The following SRSF3 variants were observed in gnomAD, a reference collection of about 807,000 sequenced individuals.
The protein encoded by SRSF3 is serine and arginine rich splicing factor 3.
For synonymous variants in SRSF3, 87 were observed against 73.6 expected (o/e 1.18, Z -0.93); for missense variants, 58 against 217.1 (o/e 0.27, Z 4.61).
At position 36,603,114 on chromosome 6, in the gene SRSF3, C is replaced by G. The variant is rs922044419; in HGVS notation, c.*1125C>G. ...TTAGGCATAGAAGCCAGTTCAGGGTCCATAATATTTAGTGACCAACATTTT... is the reference window on the plus strand; with the variant it reads ...TTAGGCATAGAAGCCAGTTCAGGGTGCATAATATTTAGTGACCAACATTTT... On this transcript the variant is annotated 3_prime_UTR_variant, in exon 6 of 6. Transcript: ENST00000373715. 4.7e-4 allele frequency: 105 copies of G among 222,978 alleles called. 1 individual carries two copies. Among genetic ancestry groups the G allele is most frequent in the Non-Finnish European group, 6.3e-4 (70 of 111,634 alleles). 13.8% of individuals were successfully genotyped at this position (222,978 alleles called of 1,614,324 possible). A position where few individuals can be genotyped will look rare whatever the true frequency, so the allele number is the denominator to read the frequency against.
In SRSF3 at chr6:36,602,521, T is replaced by G. The variant is rs1371051070; in HGVS notation, c.*532T>G. The G allele has an allele frequency of 4.5e-6, 1 of 220,036 alleles. No individual in the cohort carries two copies. Among genetic ancestry groups the G allele is most frequent in the African/African-American group, 2.2e-5 (1 of 44,640 alleles). 13.6% of individuals were successfully genotyped at this position (220,036 alleles called of 1,614,324 possible). ...TCATCCTGGGCAGAGGTTGCCTAGT[T>G]GGTATAGAATGTTAAGTTTCAAGAA... On this transcript the variant is annotated 3_prime_UTR_variant, in exon 6 of 6. Transcript: ENST00000373715.
At chr6:36,601,623 CA>C in intron 4 of SRSF3, 84 bp from the exon 5 acceptor site, 1 of 1,271,612 alleles carries the variant, frequency 7.9e-7, no homozygotes, top group African/African-American at 1.5e-5. Flanking sequence ...GAATTATTGG[CA>C]TGAGTCACCA....
chr6:36,600,180 A>G, intron 3 of SRSF3: 1 of 1,069,948 alleles, frequency 9.3e-7, no homozygotes, highest in Non-Finnish European at 1.1e-6. Flanking sequence ...AACTAAATCC[A>G]ACGCAACATC....
Position 36,603,127 on chromosome 6 carries a change from T to G in SRSF3, c.*1138T>G. 4.5e-6 allele frequency: 1 copy of G among 223,906 alleles called. No homozygotes were observed. The highest frequency in any genetic ancestry group is 8.9e-6 in the Non-Finnish European group (1 of 111,982). 13.9% of individuals were successfully genotyped at this position (223,906 alleles called of 1,614,324 possible). A position where few individuals can be genotyped will look rare whatever the true frequency, so the allele number is the denominator to read the frequency against. ...CCAGTTCAGGGTCCATAATATTTAG[T>G]GACCAACATTTTAAAGTATAGCAGC... On this transcript the variant is annotated 3_prime_UTR_variant, in exon 6 of 6. Transcript: ENST00000373715.
At chr6:36,598,778 G>C in intron 2 of SRSF3, 71 bp from the exon 3 acceptor site, 2 of 1,551,946 alleles carry the variant, frequency 1.3e-6, no homozygotes, top group Non-Finnish European at 1.8e-6. Context: ...AGCCAACTGA[G>C]AGTACTTTTG....
intron 3 of SRSF3, 160 bp from the exon 4 acceptor site, chr6:36,600,992 C>CTTTTTTTTTTT (rs1169887735): frequency 2.9e-5 from 10 of 340,298 alleles, no homozygotes; most frequent in South Asian, 2.1e-4. Context: ...TTTTTCTTTT[C>CTTTTTTTTTTT]TTTTTTTTCT....
chr6:36,601,932 TTTG>T lies in SRSF3; in HGVS notation c.468-27_468-25del, dbSNP rs1290270198. 12 of 1,576,586 alleles carry T rather than the reference TTTG, an allele frequency of 7.6e-6. No individual in the cohort carries two copies. In the South Asian group the frequency reaches 1.2e-4, roughly 16 times the overall value. ...TGTCACCAAGTTACAGATGTAATGT[TTTG>T]TTTTCTTTTTTTTTTTTTTTTTTTA... is the stretch of plus-strand genomic sequence containing the variant. On this transcript the variant is annotated intron_variant, in intron 5 of 5. Coordinates refer to ENST00000373715, the MANE Select transcript of SRSF3 (RefSeq NM_003017.5).
Position 36,601,178 on chromosome 6 carries a change from G to A in SRSF3, c.368G>A (p.Arg123His). The A allele has an allele frequency of 1.1e-5, 18 of 1,613,208 alleles. No individual in the cohort carries two copies. Among genetic ancestry groups the A allele is most frequent in the Non-Finnish European group, 1.4e-5 (16 of 1,179,808 alleles). The change falls in exon 4 of 6, where the codon CGC (arginine) becomes CAC (histidine). Residue 123 changes from arginine to histidine, a missense_variant. Arg to His is a conservative substitution (Grantham distance 29). Coordinates refer to ENST00000373715, the MANE Select transcript of SRSF3 (RefSeq NM_003017.5). ...RRSPRRRSFS[R>H]SRSRSLSRDR... is the part of the protein sequence containing the mutation. The stretch of plus-strand genomic sequence containing the variant: ...TCTCCAAGAAGGAGAAGCTTCTCTC[G>A]CAGCCGGAGCAGGTAAATGACTACC...
chr6:36,600,198 A>C (rs1582513135), intron 3 of SRSF3: 1 of 1,060,054 alleles, frequency 9.4e-7, no homozygotes, highest in Non-Finnish European at 1.1e-6. Flanking sequence ...ATCTGGCAAA[A>C]CCTTTTCAGC....
In SRSF3 at chr6:36,603,105, G is replaced by GT. The variant is rs1363592277; in HGVS notation, c.*1118dup. Reference sequence around the variant, plus strand: ...TTTTTTTTTTTAGGCATAGAAGCCAGTTCAGGGTCCATAATATTTAGTGAC... The same window carrying GT: ...TTTTTTTTTTTAGGCATAGAAGCCAGTTTCAGGGTCCATAATATTTAGTGAC... On this transcript the variant is annotated 3_prime_UTR_variant, in exon 6 of 6. Coordinates refer to ENST00000373715, the MANE Select transcript of SRSF3 (RefSeq NM_003017.5). The GT allele has an allele frequency of 4.5e-6, 1 of 221,764 alleles. No homozygotes were observed. The highest frequency in any genetic ancestry group is 9.0e-6 in the Non-Finnish European group (1 of 110,938). The allele number at this position is 221,764 out of a possible 1,614,324, so 13.7% of individuals were successfully genotyped here.
At chr6:36,600,049 C>T (rs1778690097) in intron 3 of SRSF3, 19 of 1,236,276 alleles carry the variant, frequency 1.5e-5, no homozygotes, top group Non-Finnish European at 1.9e-5. Flanking sequence ...CCTCGACCGC[C>T]CACACATTCC....
chr6:36,595,947 T>A (rs1778620502), intron 1 of SRSF3, among the ~76,000 whole-genome samples: 1 of 151,982 alleles, frequency 6.6e-6, no homozygotes, highest in Non-Finnish European at 1.5e-5. Flanking sequence ...TTTTTGGCGA[T>A]GGAATCTCGC....
chr6:36,601,009 T>TTTTTTTTTTTC (rs1778705816), intron 3 of SRSF3, 143 bp from the exon 4 acceptor site: 1 of 291,680 alleles, frequency 3.4e-6, no homozygotes, highest in Non-Finnish European at 5.7e-6. Flanking sequence ...TTCTTTTTTT[T>TTTTTTTTTTTC]TTTTTTTTTT....
In SRSF3 at chr6:36,602,179, T is replaced by C. The variant is rs1778728930; in HGVS notation, c.*190T>C. Reference sequence around the variant, plus strand: ...ATTCTCTATGGTTTGAAATGGATCATACGAGGCATGTAATACCAAGAATTG... The same window carrying C: ...ATTCTCTATGGTTTGAAATGGATCACACGAGGCATGTAATACCAAGAATTG... On this transcript the variant is annotated 3_prime_UTR_variant, in exon 6 of 6. Coordinates refer to ENST00000373715, the MANE Select transcript of SRSF3 (RefSeq NM_003017.5). 1 of 1,143,420 alleles carries C rather than the reference T, an allele frequency of 8.7e-7. No homozygotes were observed. Among genetic ancestry groups the C allele is most frequent in the Non-Finnish European group, 1.2e-6 (1 of 843,926 alleles). The allele number at this position is 1,143,420 out of a possible 1,614,324, so 70.8% of individuals were successfully genotyped here. A position where few individuals can be genotyped will look rare whatever the true frequency, so the allele number is the denominator to read the frequency against.
chr6:36,599,414 A>G (rs1778682897), intron 3 of SRSF3: 1 of 192,466 alleles, frequency 5.2e-6, no homozygotes, highest in East Asian at 1.3e-4. Context: ...AGTAGAAATC[A>G]TTCTGAGACT....
chr6:36,596,309 C>T (rs886402939), intron 1 of SRSF3, among the ~76,000 whole-genome samples: 2 of 152,078 alleles, frequency 1.3e-5, no homozygotes, highest in Non-Finnish European at 2.9e-5. Context: ...CTTTGAATCG[C>T]TTGCCTGGTA....
chr6:36,597,061 T>A, intron 2 of SRSF3, 93 bp downstream of exon 2: 1 of 892,154 alleles, frequency 1.1e-6, no homozygotes, highest in Non-Finnish European at 1.8e-6. Flanking sequence ...GCTTTCCCAA[T>A]CACTGGCCAA....
chr6:36,596,984 C>G lies in SRSF3; in HGVS notation c.206+16C>G. 1 of 1,610,630 alleles carries G rather than the reference C, an allele frequency of 6.2e-7. No individual in the cohort carries two copies. Among genetic ancestry groups the G allele is most frequent in the African/African-American group, 1.3e-5 (1 of 74,840 alleles). Reference sequence around the variant, plus strand: ...TAGATGGAAGGTGATTTAATGATTACGCTGATAAAAATGTGTTGCTTGTGT... The same window carrying G: ...TAGATGGAAGGTGATTTAATGATTAGGCTGATAAAAATGTGTTGCTTGTGT... On this transcript the variant is annotated intron_variant, in intron 2 of 5. Transcript: ENST00000373715.
intron 2 of SRSF3, among the ~76,000 whole-genome samples, chr6:36,598,024 T>C (rs893104944): frequency 7.2e-5 from 11 of 152,024 alleles, no homozygotes; most frequent in Admixed American, 2.6e-4. Context: ...TGCTGACTGT[T>C]GAGGGGAGAG....
Sources: gnomAD v4.1 joint callset for allele counts (sites outside exome capture counted in the v4.1 genomes callset) on GRCh38, gnomAD v4.1.1 for gene constraint, MANE v1.5 for transcripts, NCBI Gene and HGNC (gene_info 2026-07-23, HGNC 2026-07-21) for gene names.